PASD1: variants seen among roughly 807,000 people sequenced by gnomAD.
PASD1 encodes the protein circadian clock protein PASD1.
PASD1 carries 13 observed loss-of-function variants against 58.8 expected under a neutral mutation model. The observed-to-expected ratio is 0.22, with a 90% CI of 0.14 to 0.35. The LOEUF (loss-of-function observed/expected upper bound fraction) is 0.35. PASD1 is among the 10% of genes least tolerant of loss of function. The pLI is 1.00. For synonymous variants in PASD1, 236 were observed against 216.7 expected, an observed-to-expected ratio of 1.09 and a Z score of -0.78; for missense variants, 734 against 568.3, an observed-to-expected ratio of 1.29 and a Z score of -2.96.
intron 1 of PASD1, among the ~76,000 whole-genome samples, chrX:151,587,077 G>A (rs956656506): frequency 8.9e-6 from 1 of 112,064 alleles, no homozygotes; most frequent in Non-Finnish European, 1.9e-5. Flanking sequence ...CTGCCGGAAT[G>A]TTCAGGGATG....
At chrX:151,674,231 G>A in intron 15 of PASD1, 45 bp downstream of exon 15, 1 of 1,197,346 alleles carries the variant, frequency 8.4e-7, no homozygotes. Context: ...AGGTCAAGAG[G>A]GATTCTGGGC....
chrX:151,662,290 G>A (rs774840622), intron 10 of PASD1, among the ~76,000 whole-genome samples: 2 of 109,211 alleles, frequency 1.8e-5, no homozygotes, highest in Admixed American at 9.8e-5. Flanking sequence ...ATCCAATACC[G>A]TCATTAAAAA....
At chrX:151,630,992 G>A (rs189416035) in intron 8 of PASD1, among the ~76,000 whole-genome samples, 1 of 111,616 alleles carries the variant, frequency 9.0e-6, no homozygotes, top group East Asian at 2.8e-4. Context: ...TCAGTGAGGG[G>A]CAGGCAAAAA....
At chrX:151,634,664 G>A (rs1195260928) in intron 8 of PASD1, among the ~76,000 whole-genome samples, 1 of 111,646 alleles carries the variant, frequency 9.0e-6, no homozygotes, top group Admixed American at 9.5e-5. Context: ...TTTGTCTGAT[G>A]TGTCTTCTTA....
chrX:151,581,398 C>A (rs891900069), intron 1 of PASD1, among the ~76,000 whole-genome samples: 1 of 109,225 alleles, frequency 9.2e-6, no homozygotes, highest in Admixed American at 9.9e-5. Flanking sequence ...TGAGGACCAG[C>A]CTGGGAAATA....
At chrX:151,674,351 G>A (rs921516352) in intron 15 of PASD1, among the ~76,000 whole-genome samples, 165 bp downstream of exon 15, 4 of 112,507 alleles carry the variant, frequency 3.6e-5, no homozygotes, top group African/African-American at 1.3e-4. Context: ...ACTCATTGCT[G>A]AGTAAAAATA....
chrX:151,601,711 G>T (rs966608612), intron 2 of PASD1, 130 bp downstream of exon 2: 4 of 643,415 alleles, frequency 6.2e-6, no homozygotes, highest in Non-Finnish European at 7.2e-6. Flanking sequence ...GGTTTCTCCA[G>T]TGTTTTTTTT....
At chrX:151,595,340 C>T (rs2013305288) in intron 1 of PASD1, among the ~76,000 whole-genome samples, 1 of 111,519 alleles carries the variant, frequency 9.0e-6, no homozygotes, top group South Asian at 3.8e-4. Flanking sequence ...TCCACCTAGG[C>T]ATGAACTGTG....
chrX:151,642,130 A>G (rs1849019797), intron 8 of PASD1, among the ~76,000 whole-genome samples: 1 of 112,128 alleles, frequency 8.9e-6, no homozygotes, highest in Non-Finnish European at 1.9e-5. Flanking sequence ...TCCCTTTGTT[A>G]GCAGGAAGGC....
chrX:151,604,627 T>C lies in PASD1; in HGVS notation c.29-19T>C, dbSNP rs1386466044. 1.8e-6 allele frequency: 2 copies of C among 1,135,125 alleles called. No individual in the cohort carries two copies. The highest frequency in any genetic ancestry group is 2.2e-5 in the Admixed American group (1 of 45,330). 93.5% of individuals were successfully genotyped at this position (1,135,125 alleles called of 1,213,427 possible). The stretch of plus-strand genomic sequence containing the variant: ...TTTAATGTGACACTGTTCTGTACTT[T>C]CTTCCTTTTTCTAAAAAGACAAAGT... On this transcript the variant is annotated intron_variant, in intron 2 of 15. Transcript: ENST00000370357.
At chrX:151,623,681 A>G (rs2013747760) in intron 7 of PASD1, among the ~76,000 whole-genome samples, 2 of 111,776 alleles carry the variant, frequency 1.8e-5, no homozygotes, top group South Asian at 7.6e-4. Context: ...GAAGGATGAC[A>G]GAATAATGTG....
In PASD1 at chrX:151,671,597, G is replaced by A. The variant is rs760827177; in HGVS notation, c.1255G>A (p.Val419Ile). ...GAAGCAGCCAAACACATTACGCCACGTTGTCATTCCTGATCTCCAATCTTC... is the reference window on the plus strand; with the variant it reads ...GAAGCAGCCAAACACATTACGCCACATTGTCATTCCTGATCTCCAATCTTC... ...LQKQPNTLRHVVIPDLQSSEA... is the reference protein window; with the variant it reads ...LQKQPNTLRHIVIPDLQSSEA... Residue 419 changes from valine (V) to isoleucine (I), a missense_variant, in exon 13 of 16, where the codon GTT becomes ATT. Transcript: ENST00000370357. 9.1e-6 allele frequency: 11 copies of A among 1,209,734 alleles called. No homozygotes were observed. Among genetic ancestry groups the A allele is most frequent in the South Asian group, 3.5e-5 (2 of 56,824 alleles).
chrX:151,591,813 T>C (rs762592094), intron 1 of PASD1, among the ~76,000 whole-genome samples: 6 of 111,489 alleles, frequency 5.4e-5, no homozygotes, highest in Admixed American at 9.6e-5. Flanking sequence ...ATCAAAGATA[T>C]GTAAAGCATG....
chrX:151,651,774 C>A (rs1210031324), intron 9 of PASD1, among the ~76,000 whole-genome samples: 1 of 111,906 alleles, frequency 8.9e-6, no homozygotes, highest in Non-Finnish European at 1.9e-5. Context: ...CCACAACAGA[C>A]CTGTGAGGCA....
intron 1 of PASD1, among the ~76,000 whole-genome samples, chrX:151,572,323 A>G (rs1450621155): frequency 9.0e-6 from 1 of 111,528 alleles, no homozygotes; most frequent in Non-Finnish European, 1.9e-5. Flanking sequence ...CCTTGCCCAT[A>G]GTATGTTTGG....
intron 3 of PASD1, among the ~76,000 whole-genome samples, chrX:151,606,478 C>T (rs543083952): frequency 9.0e-6 from 1 of 111,548 alleles, no homozygotes; most frequent in East Asian, 2.8e-4. Context: ...GTTGGTCAAA[C>T]GTAACAGCCT....
intron 1 of PASD1, among the ~76,000 whole-genome samples, chrX:151,601,236 T>C (rs777293432): frequency 6.8e-4 from 76 of 112,524 alleles, no homozygotes; most frequent in African/African-American, 2.2e-3. Flanking sequence ...GGTTTTTTTT[T>C]TGGTTAAGTG....
intron 8 of PASD1, among the ~76,000 whole-genome samples, chrX:151,641,690 G>C (rs758528169): frequency 9.0e-6 from 1 of 111,088 alleles, no homozygotes; most frequent in Non-Finnish European, 1.9e-5. Context: ...GAGCAGTGAG[G>C]GTTGTGGTGC....
chrX:151,669,334 C>G (rs556857651), intron 11 of PASD1, among the ~76,000 whole-genome samples: 4 of 109,484 alleles, frequency 3.7e-5, no homozygotes, highest in African/African-American at 1.3e-4. Context: ...TACATATACA[C>G]AATGTGTAAT....
Sources: gnomAD v4.1 joint callset for allele counts (sites outside exome capture counted in the v4.1 genomes callset) on GRCh38, gnomAD v4.1.1 for gene constraint, MANE v1.5 for transcripts, NCBI Gene and HGNC (gene_info 2026-07-23, HGNC 2026-07-21) for gene names.